HDGFL3: variants seen among roughly 807,000 people sequenced by gnomAD.
The protein encoded by HDGFL3 is HDGF like 3.
In HDGFL3, 6 loss-of-function variants were observed where a neutral mutation model predicts 27.6. The observed-to-expected ratio is 0.22, with a 90% CI of 0.12 to 0.43. The LOEUF is 0.43. HDGFL3 is among the 20% of genes least tolerant of loss of function. The pLI, the probability that HDGFL3 is intolerant of heterozygous loss-of-function variation, is 1.00. For synonymous variants in HDGFL3, 88 were observed against 88.9 expected (o/e 0.99, Z 0.05); for missense variants, 207 against 250.1 (o/e 0.83, Z 1.16).
At chr15:83,169,931 C>T (rs1227011294) in intron 1 of HDGFL3, among the ~76,000 whole-genome samples, 1 of 152,132 alleles carries the variant, frequency 6.6e-6, no homozygotes. Context: ...CCAATAACAT[C>T]CAAGCTGAGA....
At chr15:83,144,157 T>C (rs1020673077) in intron 5 of HDGFL3, among the ~76,000 whole-genome samples, 3 of 152,120 alleles carry the variant, frequency 2.0e-5, no homozygotes, top group African/African-American at 7.2e-5. Flanking sequence ...CCCCAGGTAG[T>C]TGGGACTACA....
rs760714814 is a variant in HDGFL3, at chr15:83,136,550, G to A, written c.*2720C>T. The A allele has an allele frequency of 6.2e-7, 1 of 1,613,646 alleles. No homozygotes were observed. The highest frequency in any genetic ancestry group is 1.1e-5 in the South Asian group (1 of 91,000). On this transcript the variant is annotated 3_prime_UTR_variant, in exon 6 of 6. Coordinates refer to ENST00000299633, the MANE Select transcript of HDGFL3 (RefSeq NM_016073.4). ...TTATGTCTACAGAGTCCCTGAAGAA[G>A]CAAAAATCCTTTTTTTAGCATTAAA...
At chr15:83,141,081 A>G (rs1003208934) in intron 5 of HDGFL3, among the ~76,000 whole-genome samples, 1 of 152,180 alleles carries the variant, frequency 6.6e-6, no homozygotes, top group African/African-American at 2.4e-5. Flanking sequence ...TTCTCATACC[A>G]TAATCACTTT....
intron 4 of HDGFL3, among the ~76,000 whole-genome samples, chr15:83,154,317 CA>C (rs2037001736): frequency 6.9e-6 from 1 of 145,662 alleles, no homozygotes; most frequent in Admixed American, 7.0e-5. Flanking sequence ...GCCTGGGTGA[CA>C]GAGCAAGACC....
In HDGFL3 at chr15:83,136,483, TCA is replaced by T; in HGVS notation, c.*2785_*2786del. The T allele has an allele frequency of 3.2e-6, 5 of 1,575,506 alleles. No homozygotes were observed. Among genetic ancestry groups the T allele is most frequent in the Non-Finnish European group, 3.4e-6 (4 of 1,167,896 alleles). On this transcript the variant is annotated 3_prime_UTR_variant, in exon 6 of 6. Transcript: ENST00000299633. ...TTTTTTTTTTTTAAATGCAACAGGC[TCA>T]GTTTTCTCACATTGGTGCATCTCTT...
chr15:83,183,802 G>T (rs1370305437), intron 1 of HDGFL3, among the ~76,000 whole-genome samples: 1 of 137,790 alleles, frequency 7.3e-6, no homozygotes, highest in Non-Finnish European at 1.5e-5. Context: ...CCACTGCAAA[G>T]AGAGTTTGGT....
chr15:83,176,335 T>G (rs940124505), intron 1 of HDGFL3, among the ~76,000 whole-genome samples: 1 of 152,264 alleles, frequency 6.6e-6, no homozygotes. Context: ...TCGGTAAGAC[T>G]TAAGAAATCT....
chr15:83,150,707 A>G (rs371335284), intron 5 of HDGFL3, among the ~76,000 whole-genome samples: 1 of 152,244 alleles, frequency 6.6e-6, no homozygotes, highest in Non-Finnish European at 1.5e-5. Flanking sequence ...ACAAAGGTTA[A>G]CAAAAGTTAT....
chr15:83,178,199 A>G (rs1407455678), intron 1 of HDGFL3, among the ~76,000 whole-genome samples: 1 of 152,242 alleles, frequency 6.6e-6, no homozygotes, highest in Non-Finnish European at 1.5e-5. Flanking sequence ...GAATTTCTTC[A>G]TAAGATTAAA....
At chr15:83,116,172 C>CTTTTTTTTCACTT (rs2034643310) in intron 3 of HDGFL3, among the ~76,000 whole-genome samples, 1 of 152,232 alleles carries the variant, frequency 6.6e-6, no homozygotes. Flanking sequence ...TTCTCTCACT[C>CTTTTTTTTCACTT]ATGACCGCAC....
intron 1 of HDGFL3, among the ~76,000 whole-genome samples, chr15:83,182,935 T>C (rs2037397395): frequency 6.6e-6 from 1 of 152,210 alleles, no homozygotes; most frequent in African/African-American, 2.4e-5. Flanking sequence ...AAATGCTAAC[T>C]ATAGAATGTA....
chr15:83,136,364 G>A lies in HDGFL3; in HGVS notation c.*2906C>T. Reference sequence around the variant, plus strand: ...ATTGTTTGAAGGTATTTTGCCTGCAGGTGAGACTGGTTTTGAGGGCACAGA... The same window carrying A: ...ATTGTTTGAAGGTATTTTGCCTGCAAGTGAGACTGGTTTTGAGGGCACAGA... On this transcript the variant is annotated 3_prime_UTR_variant, in exon 6 of 6. Transcript: ENST00000299633. 1.3e-6 allele frequency: 1 copy of A among 747,048 alleles called. No homozygotes were observed. The highest frequency in any genetic ancestry group is 1.8e-5 in the African/African-American group (1 of 56,316). The allele number at this position is 747,048 out of a possible 1,614,324, so 46.3% of individuals were successfully genotyped here.
intron 2 of HDGFL3, among the ~76,000 whole-genome samples, chr15:83,163,001 G>A (rs1405947550): frequency 6.6e-6 from 1 of 152,072 alleles, no homozygotes; most frequent in African/African-American, 2.4e-5. Flanking sequence ...TTTTAAAGCA[G>A]GATACAGAGT....
intron 4 of HDGFL3, among the ~76,000 whole-genome samples, chr15:83,153,131 C>T (rs11854888): frequency 0.25 from 37,652 of 151,516 alleles, 5,016 homozygotes; most frequent in African/African-American, 0.34. Flanking sequence ...TCCCGAGTAG[C>T]TGGGACTATA....
chr15:83,141,568 T>G (rs2036772277), intron 5 of HDGFL3, among the ~76,000 whole-genome samples: 1 of 152,184 alleles, frequency 6.6e-6, no homozygotes, highest in Non-Finnish European at 1.5e-5. Context: ...CCTCCATGAC[T>G]GACAGTTTTC....
intron 3 of HDGFL3, chr15:83,122,153 T>A: frequency 4.2e-6 from 3 of 707,950 alleles, no homozygotes; most frequent in Non-Finnish European, 7.1e-6. Flanking sequence ...TTCTCACCTT[T>A]AAAAAAAGTA....
intron 1 of HDGFL3, among the ~76,000 whole-genome samples, chr15:83,205,903 A>G (rs2037709771): frequency 1.3e-5 from 2 of 152,266 alleles, no homozygotes; most frequent in African/African-American, 4.8e-5. Flanking sequence ...TCTACAGTTC[A>G]GATGCGAAGC....
chr15:83,190,462 TA>T (rs1188020362), intron 1 of HDGFL3, among the ~76,000 whole-genome samples: 2 of 152,214 alleles, frequency 1.3e-5, no homozygotes, highest in African/African-American at 4.8e-5. Context: ...ATATCCTCTT[TA>T]ACATATGATA....
At chr15:83,203,020 C>A (rs1412612103) in intron 1 of HDGFL3, among the ~76,000 whole-genome samples, 2 of 151,960 alleles carry the variant, frequency 1.3e-5, no homozygotes, top group Non-Finnish European at 1.5e-5. Context: ...GGGTATATGC[C>A]TAGAAGAGAC....
Sources: allele counts gnomAD v4.1 joint callset (sites outside exome capture counted in the v4.1 genomes callset), GRCh38; gene constraint gnomAD v4.1.1; transcripts MANE v1.5; gene names NCBI Gene and HGNC (gene_info 2026-07-23, HGNC 2026-07-21).